Variants in HS2ST1 observed in about 807,000 individuals in gnomAD.
The protein encoded by HS2ST1 is 2-O-sulfotransferase.
In HS2ST1, 18 loss-of-function variants were observed where a neutral mutation model predicts 42.9. The observed-to-expected ratio is 0.42, with a 90% CI of 0.29 to 0.62. The LOEUF (loss-of-function observed/expected upper bound fraction) is 0.62, where lower values mean the gene tolerates loss of function less well. HS2ST1 is among the 20% of genes least tolerant of loss of function. The pLI, the probability that HS2ST1 is intolerant of heterozygous loss-of-function variation, is 0.21. For missense variants in HS2ST1, 334 were observed against 433.8 expected (o/e 0.77, Z 2.04); for synonymous variants, 146 against 152.9 (o/e 0.95, Z 0.33).
chr1:86,949,240 A>G (rs114135081), intron 1 of HS2ST1, among the ~76,000 whole-genome samples: 2 of 151,904 alleles, frequency 1.3e-5, no homozygotes, highest in East Asian at 3.9e-4. Flanking sequence ...TCCCGAATAG[A>G]TGGGATTACA....
At chr1:86,950,487 T>A (rs1332708883) in intron 1 of HS2ST1, among the ~76,000 whole-genome samples, 1 of 152,134 alleles carries the variant, frequency 6.6e-6, no homozygotes, top group Non-Finnish European at 1.5e-5. Context: ...AAAACAGATC[T>A]AAAGGACATT....
At chr1:86,985,216 G>C (rs1390598050) in intron 1 of HS2ST1, among the ~76,000 whole-genome samples, 4 of 149,346 alleles carry the variant, frequency 2.7e-5, no homozygotes, top group African/African-American at 9.9e-5. Context: ...TTAGCTGGGC[G>C]TGGTGGCAGG....
At chr1:87,084,346 T>A in intron 3 of HS2ST1, 67 bp downstream of exon 3, 1 of 871,656 alleles carries the variant, frequency 1.1e-6, no homozygotes, top group South Asian at 1.7e-5. Context: ...AGGAATAAAT[T>A]CATTAAATTG....
Position 87,092,892 on chromosome 1 carries a change from C to A in HS2ST1, c.588+223C>A, listed in dbSNP as rs143172157. On this transcript the variant is annotated intron_variant, in intron 4 of 6. Coordinates refer to ENST00000370550, the MANE Select transcript of HS2ST1 (RefSeq NM_012262.4). ...TTTTAAAAATATTTCTTTTCCAGGG[C>A]GGAATCGTGTTTTCTTTATGGTTCT... Among the ~76,000 whole-genome samples the A allele has an allele frequency of 2.2e-3, 334 of 151,808 alleles. 2 individuals are homozygous for A. Among genetic ancestry groups the A allele is most frequent in the African/African-American group, 7.6e-3 (313 of 41,412 alleles).
chr1:87,030,947 T>C (rs1390687148), intron 1 of HS2ST1, among the ~76,000 whole-genome samples: 2 of 152,084 alleles, frequency 1.3e-5, no homozygotes, highest in African/African-American at 2.4e-5. Context: ...TATTGTTTTG[T>C]GTTTCGTTTT....
chr1:87,097,773 A>G (rs1178849589), intron 4 of HS2ST1, 65 bp from the exon 5 acceptor site: 1 of 1,583,796 alleles, frequency 6.3e-7, no homozygotes, highest in Non-Finnish European at 8.7e-7. Context: ...AATTTACCAC[A>G]TTAGATATTT....
intron 1 of HS2ST1, among the ~76,000 whole-genome samples, chr1:86,962,394 A>T (rs946342690): frequency 6.6e-6 from 1 of 152,122 alleles, no homozygotes; most frequent in African/African-American, 2.4e-5. Context: ...TGATTAAGAT[A>T]CTTGGATCCT....
At chr1:87,038,622 T>C (rs896313056) in intron 1 of HS2ST1, among the ~76,000 whole-genome samples, 2 of 152,196 alleles carry the variant, frequency 1.3e-5, no homozygotes, top group African/African-American at 4.8e-5. Flanking sequence ...AAGGTATTTA[T>C]GTTTTGATGT....
chr1:87,039,099 A>G (rs1393011473), intron 1 of HS2ST1, among the ~76,000 whole-genome samples: 1 of 152,212 alleles, frequency 6.6e-6, no homozygotes, highest in Non-Finnish European at 1.5e-5. Context: ...TGGGTTAGTA[A>G]TAAAGCACCT....
intron 1 of HS2ST1, among the ~76,000 whole-genome samples, chr1:87,019,584 T>C (rs1468932299): frequency 6.6e-6 from 1 of 152,224 alleles, no homozygotes; most frequent in Non-Finnish European, 1.5e-5. Flanking sequence ...CTGGATAGTA[T>C]TTTGTTTTTA....
chr1:86,946,248 T>TAA (rs1647334383), intron 1 of HS2ST1, among the ~76,000 whole-genome samples: 1 of 152,246 alleles, frequency 6.6e-6, no homozygotes, highest in Non-Finnish European at 1.5e-5. Context: ...CTGCAACATT[T>TAA]ACTGCAACTG....
intron 1 of HS2ST1, among the ~76,000 whole-genome samples, chr1:87,058,963 G>A (rs1049860576): frequency 6.6e-6 from 1 of 152,054 alleles, no homozygotes; most frequent in Non-Finnish European, 1.5e-5. Flanking sequence ...GGAGGTTGAG[G>A]CAGGAGAATG....
chr1:87,016,017 A>G (rs760345879), intron 1 of HS2ST1, among the ~76,000 whole-genome samples: 2 of 150,998 alleles, frequency 1.3e-5, no homozygotes, highest in Non-Finnish European at 1.5e-5. Flanking sequence ...GGGTTTCACC[A>G]TGTTGGCCAG....
chr1:86,979,659 C>T (rs2102218695), intron 1 of HS2ST1, among the ~76,000 whole-genome samples: 1 of 152,334 alleles, frequency 6.6e-6, no homozygotes, highest in East Asian at 1.9e-4. Flanking sequence ...CTAGTGCTGC[C>T]ATGAACCTGG....
chr1:87,056,345 A>C (rs1168683120), intron 1 of HS2ST1, among the ~76,000 whole-genome samples: 13 of 152,218 alleles, frequency 8.5e-5, no homozygotes, highest in Non-Finnish European at 1.9e-4. Flanking sequence ...TGAACTTGCC[A>C]GCCTAAAGAA....
At chr1:87,042,614 C>G (rs890104405) in intron 1 of HS2ST1, among the ~76,000 whole-genome samples, 4 of 152,040 alleles carry the variant, frequency 2.6e-5, no homozygotes, top group African/African-American at 7.2e-5. Flanking sequence ...AGGAAGTACT[C>G]TTTTGCAATG....
Position 86,914,935 on chromosome 1 carries a change from G to T in HS2ST1, c.-102G>T. 7 of 1,455,138 alleles carry T rather than the reference G, an allele frequency of 4.8e-6. No homozygotes were observed. The highest frequency in any genetic ancestry group is 3.5e-5 in the South Asian group (3 of 86,434). 90.1% of individuals were successfully genotyped at this position (1,455,138 alleles called of 1,614,324 possible). A position where few individuals can be genotyped will look rare whatever the true frequency, so the allele number is the denominator to read the frequency against. On this transcript the variant is annotated 5_prime_UTR_variant, in exon 1 of 7. Coordinates refer to ENST00000370550, the MANE Select transcript of HS2ST1 (RefSeq NM_012262.4). ...GTTCTCTCGCTGTCGCTCTCTCTTT[G>T]CCTCGCTCCCGGCTCGGCGGGCTCC... is the stretch of plus-strand genomic sequence containing the variant.
At chr1:87,001,220 T>C (rs1649273034) in intron 1 of HS2ST1, among the ~76,000 whole-genome samples, 1 of 152,226 alleles carries the variant, frequency 6.6e-6, no homozygotes, top group Non-Finnish European at 1.5e-5. Context: ...GGATTTACTG[T>C]ACACAGGCTA....
chr1:87,051,588 C>T (rs1452145589), intron 1 of HS2ST1, among the ~76,000 whole-genome samples: 1 of 152,076 alleles, frequency 6.6e-6, no homozygotes, highest in Non-Finnish European at 1.5e-5. Context: ...TTTTTTCTTA[C>T]ACTTGTTTCA....
Sources: allele counts gnomAD v4.1 joint callset (sites outside exome capture counted in the v4.1 genomes callset), GRCh38; gene constraint gnomAD v4.1.1; transcripts MANE v1.5; gene names NCBI Gene and HGNC (gene_info 2026-07-23, HGNC 2026-07-21).